The following PPFIBP2 variants were observed in gnomAD, a reference collection of about 807,000 sequenced individuals.
The protein encoded by PPFIBP2 is PPFIB scaffold protein 2.
PPFIBP2 carries 118 observed loss-of-function variants against 118.3 expected under a neutral mutation model. The observed-to-expected ratio is 1.00, with a 90% CI of 0.86 to 1.16. PPFIBP2 has a LOEUF of 1.16. Among genes scored for constraint, PPFIBP2 ranks in the 50% most tolerant of loss-of-function variants. The pLI is 0.00. For synonymous variants in PPFIBP2, 414 were observed against 397.4 expected, an observed-to-expected ratio of 1.04 and a Z score of -0.50; for missense variants, 1,195 against 1,073.1, an observed-to-expected ratio of 1.11 and a Z score of -1.59.
downstream of PPFIBP2, chr11:7,653,802 G>A: frequency 8.4e-7 from 1 of 1,195,300 alleles, no homozygotes; most frequent in Non-Finnish European, 1.1e-6. Context: ...AAAAAGAGCT[G>A]AGGGTAGCTG....
intron 23 of PPFIBP2, among the ~76,000 whole-genome samples, chr11:7,652,411 A>G (rs1854177925): frequency 1.3e-5 from 2 of 152,214 alleles, no homozygotes; most frequent in African/African-American, 2.4e-5. Flanking sequence ...CTCAGACCAC[A>G]TTCTTCCCAG....
At chr11:7,568,181 A>T (rs1855229821) in intron 3 of PPFIBP2, among the ~76,000 whole-genome samples, 1 of 152,176 alleles carries the variant, frequency 6.6e-6, no homozygotes. Flanking sequence ...ATCAGTTGGG[A>T]TACTTTTTCC....
At chr11:7,583,665 A>G (rs1489158708) in intron 3 of PPFIBP2, among the ~76,000 whole-genome samples, 2 of 151,484 alleles carry the variant, frequency 1.3e-5, no homozygotes, top group Non-Finnish European at 3.0e-5. Flanking sequence ...AGCCAAGGTT[A>G]TAATTTTGGG....
rs763123106 is a variant in PPFIBP2 at position 7,626,521 on chromosome 11, A to G, written c.826+630A>G. Among the ~76,000 whole-genome samples, 26 of 152,216 alleles carry G rather than the reference A, an allele frequency of 1.7e-4. 1 individual carries two copies. Among genetic ancestry groups the G allele is most frequent in the Admixed American group, 6.5e-5 (1 of 15,282 alleles). On this transcript the variant is annotated intron_variant, in intron 8 of 23. Coordinates refer to ENST00000299492, the MANE Select transcript of PPFIBP2 (RefSeq NM_003621.5). ...TTATCCCCACTCAGGGGTAAGGACT[A>G]TATTTTTCTTGTTTAAGAGCATATC...
chr11:7,605,624 G>T, intron 5 of PPFIBP2: 1 of 937,678 alleles, frequency 1.1e-6, no homozygotes. Context: ...GCTGTGGTAT[G>T]AATACAATTG....
downstream of PPFIBP2, among the ~76,000 whole-genome samples, chr11:7,659,284 C>G (rs1480068924): frequency 6.7e-6 from 1 of 150,052 alleles, no homozygotes; most frequent in Non-Finnish European, 1.5e-5. Flanking sequence ...TTAGGTCTAA[C>G]CTTTAAGTCT....
rs1013848332 is a variant in PPFIBP2, at chr11:7,616,970, G to A, written c.619-3965G>A. The stretch of plus-strand genomic sequence containing the variant: ...TCTTTTGGTTCTGTTGTGGAAAGTG[G>A]AGGGCCGTCGACAGTGACCACTGAG... On this transcript the variant is annotated intron_variant, in intron 6 of 23. Transcript: ENST00000299492. This position sits in a 1 kb window ranked among gnomAD's most constrained non-coding sequence, Gnocchi z 5.2. The A allele has an allele frequency of 4.2e-5, 10 of 237,932 alleles. No individual in the cohort carries two copies. Among genetic ancestry groups the A allele is most frequent in the Non-Finnish European group, 6.8e-5 (10 of 146,762 alleles). The allele number at this position is 237,932 out of a possible 1,614,324, so 14.7% of individuals were successfully genotyped here.
chr11:7,655,404 T>G (rs1854586720), downstream of PPFIBP2: 1 of 1,286,510 alleles, frequency 7.8e-7, no homozygotes, highest in South Asian at 1.2e-5. Flanking sequence ...CATCCATGTG[T>G]GCTGACCAGG....
chr11:7,645,193 T>C (rs1852877703), intron 17 of PPFIBP2, among the ~76,000 whole-genome samples: 1 of 152,094 alleles, frequency 6.6e-6, no homozygotes, highest in Non-Finnish European at 1.5e-5. Context: ...AAGGGGAAGT[T>C]GACCTGGGGA....
At chr11:7,537,585 C>T (rs144041795) in intron 1 of PPFIBP2, among the ~76,000 whole-genome samples, 161 of 152,350 alleles carry the variant, frequency 1.1e-3, no homozygotes, top group African/African-American at 3.6e-3. Flanking sequence ...ACGTTTACTT[C>T]TTAGACCCAC....
downstream of PPFIBP2, chr11:7,656,677 G>T: frequency 7.9e-7 from 1 of 1,273,298 alleles, no homozygotes. Context: ...CCGCAGGGCA[G>T]CCTGGACCAA....
intron 7 of PPFIBP2, among the ~76,000 whole-genome samples, chr11:7,621,879 G>T (rs1849400583): frequency 6.6e-6 from 1 of 152,014 alleles, no homozygotes; most frequent in Non-Finnish European, 1.5e-5. Flanking sequence ...GTGCAAGTTA[G>T]TTGCTAATTA....
intron 1 of PPFIBP2, among the ~76,000 whole-genome samples, chr11:7,535,683 C>T (rs1035917555): frequency 3.3e-5 from 5 of 152,336 alleles, no homozygotes; most frequent in Admixed American, 6.5e-5. Flanking sequence ...ATTTTCGGGC[C>T]GGCTCCAATT....
intron 6 of PPFIBP2, among the ~76,000 whole-genome samples, chr11:7,613,689 T>C (rs1172406545): frequency 6.6e-6 from 1 of 152,162 alleles, no homozygotes; most frequent in African/African-American, 2.4e-5. Flanking sequence ...ATCAAAGCAT[T>C]GCAAAGGCGT....
intron 3 of PPFIBP2, among the ~76,000 whole-genome samples, chr11:7,567,485 A>C (rs576655480): frequency 6.6e-6 from 1 of 152,360 alleles, no homozygotes; most frequent in South Asian, 2.1e-4. Flanking sequence ...GATTGCATTC[A>C]TAAATCTTCT....
intron 3 of PPFIBP2, chr11:7,577,442 C>T (rs974989762): frequency 4.7e-5 from 19 of 404,746 alleles, no homozygotes; most frequent in Admixed American, 1.8e-4. Context: ...GGCTGAAGGA[C>T]GCAGGCCAGG....
chr11:7,635,327 C>G (rs2135811513), intron 13 of PPFIBP2, among the ~76,000 whole-genome samples: 1 of 152,324 alleles, frequency 6.6e-6, no homozygotes, highest in Admixed American at 6.5e-5. Context: ...TCACGTGTCT[C>G]TCGGTTGCCA....
chr11:7,576,155 G>A (rs1485968411), intron 3 of PPFIBP2, among the ~76,000 whole-genome samples: 1 of 152,238 alleles, frequency 6.6e-6, no homozygotes, highest in Non-Finnish European at 1.5e-5. Flanking sequence ...TTCAGACTGG[G>A]AGTTCCAGGA....
intron 1 of PPFIBP2, among the ~76,000 whole-genome samples, chr11:7,526,548 TG>T (rs1850246086): frequency 6.6e-6 from 1 of 151,780 alleles, no homozygotes; most frequent in Non-Finnish European, 1.5e-5. Context: ...GGAGTGAGGG[TG>T]GGAGGCTGGG....
Sources: allele counts gnomAD v4.1 joint callset (sites outside exome capture counted in the v4.1 genomes callset), GRCh38; gene constraint gnomAD v4.1.1; non-coding constraint Gnocchi (gnomAD v3.1); transcripts MANE v1.5; gene names NCBI Gene and HGNC (gene_info 2026-07-23, HGNC 2026-07-21).